ADGRA3: variants seen among roughly 807,000 people sequenced by gnomAD.
ADGRA3 encodes adhesion G protein-coupled receptor A3.
Under a neutral mutation model 119.8 loss-of-function variants are expected in ADGRA3, and 56 were observed. The observed-to-expected ratio is 0.47, with a 90% CI of 0.38 to 0.58. The LOEUF (loss-of-function observed/expected upper bound fraction) is 0.58. Among genes scored for constraint, ADGRA3 ranks in the 20% least tolerant of loss-of-function variants. The pLI, the probability that ADGRA3 is intolerant of heterozygous loss-of-function variation, is 0.00. For synonymous variants in ADGRA3, 607 were observed against 623.8 expected (o/e 0.97, Z 0.40); for missense variants, 1,516 against 1,649.0 (o/e 0.92, Z 1.40).
At chr4:22,447,653 C>G in intron 4 of ADGRA3, 142 bp from the exon 5 acceptor site, 1 of 493,230 alleles carries the variant, frequency 2.0e-6, no homozygotes, top group Non-Finnish European at 3.6e-6. Context: ...AAAGAGGGAG[C>G]GATTAGAAAA....
intron 1 of ADGRA3, among the ~76,000 whole-genome samples, chr4:22,490,831 A>T (rs1181642581): frequency 6.6e-6 from 1 of 152,252 alleles, no homozygotes; most frequent in East Asian, 1.9e-4. Context: ...CTGTGTAACA[A>T]GTTACCACTA....
chr4:22,423,729 C>T (rs539093502), intron 11 of ADGRA3, among the ~76,000 whole-genome samples: 1 of 152,258 alleles, frequency 6.6e-6, no homozygotes, highest in East Asian at 1.9e-4. Flanking sequence ...CCTGGGCAAA[C>T]AATCAGATAT....
At chr4:22,414,622 G>T in intron 12 of ADGRA3, 2 of 697,798 alleles carry the variant, frequency 2.9e-6, no homozygotes, top group Admixed American at 2.1e-5. Flanking sequence ...GAAACAAATC[G>T]AATCATGTTA....
rs758890185 is a variant in ADGRA3 at position 22,442,818 on chromosome 4, C to A, written c.752G>T (p.Arg251Leu). 8 of 1,613,160 alleles carry A rather than the reference C, an allele frequency of 5.0e-6. No individual in the cohort carries two copies. Among genetic ancestry groups the A allele is most frequent in the African/African-American group, 1.3e-5 (1 of 74,960 alleles). ...GCTGTCTCCTTCAAACACAACTTGG[C>A]GATGAGATGGAGTCATGTAGAAAGA... The part of the protein sequence containing the change: ...LPSFYMTPSH[R>L]QVVFEGDSLP... Residue 251 changes from arginine (R) to leucine (L), a missense_variant, in exon 7 of 19, where the codon CGC becomes CTC. This residue lies in a region of ADGRA3 where 428 missense variants were observed against 541.9 expected (regional missense o/e 0.79). Transcript: ENST00000334304.
At chr4:22,486,645 C>T (rs1364390851) in intron 1 of ADGRA3, among the ~76,000 whole-genome samples, 1 of 152,104 alleles carries the variant, frequency 6.6e-6, no homozygotes, top group African/African-American at 2.4e-5. Context: ...GGTTCAGTGC[C>T]CTGGCTGGCA....
intron 14 of ADGRA3, among the ~76,000 whole-genome samples, chr4:22,405,301 G>A (rs544893255): frequency 1.3e-5 from 2 of 152,232 alleles, no homozygotes; most frequent in South Asian, 4.2e-4. Context: ...AGTTTTGGGA[G>A]GCCCAAGGCA....
chr4:22,417,051 A>C (rs1174609398), intron 12 of ADGRA3, among the ~76,000 whole-genome samples: 3 of 152,184 alleles, frequency 2.0e-5, no homozygotes, highest in African/African-American at 7.2e-5. Context: ...ATAAAATACT[A>C]ATTTATCTAT....
chr4:22,454,902 G>T lies in ADGRA3; in HGVS notation c.437C>A (p.Ala146Glu). The change falls in exon 4 of 19, where the codon GCA (alanine) becomes GAA (glutamate). Residue 146 changes from alanine to glutamate, a missense_variant. Coordinates refer to ENST00000334304, the MANE Select transcript of ADGRA3 (RefSeq NM_145290.4). ...LTNNRIGCLNADIFRGLTNLV... is the reference protein window; with the variant it reads ...LTNNRIGCLNEDIFRGLTNLV... ...ATTGGTGAGTCCTCGAAATATGTCTGCATTCAGACATCCTATTCGATTGTT... is the reference window on the plus strand; with the variant it reads ...ATTGGTGAGTCCTCGAAATATGTCTTCATTCAGACATCCTATTCGATTGTT... 1 of 1,613,648 alleles carries T rather than the reference G, an allele frequency of 6.2e-7. No homozygotes were observed. Among genetic ancestry groups the T allele is most frequent in the Non-Finnish European group, 8.5e-7 (1 of 1,179,620 alleles).
chr4:22,393,421 C>T (rs1158537048), intron 16 of ADGRA3: 1 of 152,124 alleles, frequency 6.6e-6, no homozygotes, highest in Non-Finnish European at 1.5e-5. Context: ...AGAATAAGTT[C>T]CAGAGTAAGA....
intron 7 of ADGRA3, among the ~76,000 whole-genome samples, chr4:22,439,919 T>C (rs1716545856): frequency 6.6e-6 from 1 of 152,198 alleles, no homozygotes; most frequent in Admixed American, 6.5e-5. Flanking sequence ...CAAATGTCTA[T>C]CTATATTCAA....
chr4:22,442,615 A>G (rs1406579945), intron 7 of ADGRA3, 35 bp downstream of exon 7: 1 of 1,427,870 alleles, frequency 7.0e-7, no homozygotes. Context: ...ATACACAGGC[A>G]CAATTCTTCA....
Position 22,401,445 on chromosome 4 carries a change from T to C in ADGRA3, c.2467A>G (p.Ser823Gly). 6.2e-7 allele frequency: 1 copy of C among 1,604,214 alleles called. No homozygotes were observed. Among genetic ancestry groups the C allele is most frequent in the Non-Finnish European group, 8.5e-7 (1 of 1,174,822 alleles). Residue 823 changes from serine to glycine, a missense_variant, in exon 16 of 19, where the codon AGC (serine) becomes GGC (glycine). Ser to Gly is a moderately conservative substitution (Grantham distance 56, BLOSUM62 0). Transcript: ENST00000334304. ...VGGITQTRNASICQAVGIILH... is the reference protein window; with the variant it reads ...VGGITQTRNAGICQAVGIILH... ...CTCTGACTTACTGCTTGGCAGATGC[T>C]GGCATTCCTAGTCTGGGTTATTCCT...
At position 22,388,211 on chromosome 4, in the gene ADGRA3, G is replaced by A. The variant is rs1310868759; in HGVS notation, c.3460C>T (p.His1154Tyr). The A allele has an allele frequency of 6.2e-6, 10 of 1,613,922 alleles. No homozygotes were observed. Among genetic ancestry groups the A allele is most frequent in the Non-Finnish European group, 8.5e-6 (10 of 1,179,988 alleles). Residue 1154 changes from histidine (H) to tyrosine (Y), a missense_variant, in exon 19 of 19, where the codon CAC becomes TAC. Coordinates refer to ENST00000334304, the MANE Select transcript of ADGRA3 (RefSeq NM_145290.4). ...EHSMDNDIKMHVAPLEVQFRT... is the reference protein window; with the variant it reads ...EHSMDNDIKMYVAPLEVQFRT... Reference sequence around the variant, plus strand: ...AACTGAACTTCTAAAGGCGCCACGTGCATTTTAATATCATTGTCCATTGAA... The same window carrying A: ...AACTGAACTTCTAAAGGCGCCACGTACATTTTAATATCATTGTCCATTGAA...
At chr4:22,438,506 A>G in intron 7 of ADGRA3, 86 bp from the exon 8 acceptor site, 1 of 964,496 alleles carries the variant, frequency 1.0e-6, no homozygotes, top group Non-Finnish European at 1.5e-6. Flanking sequence ...TAATTTAGCA[A>G]ATATTTTTGA....
intron 2 of ADGRA3, among the ~76,000 whole-genome samples, chr4:22,471,026 G>A (rs1383475973): frequency 6.6e-6 from 1 of 152,118 alleles, no homozygotes; most frequent in Non-Finnish European, 1.5e-5. Flanking sequence ...CCCCAGTACC[G>A]GAGCCAAGAA....
At chr4:22,489,705 C>A (rs1718557096) in intron 1 of ADGRA3, among the ~76,000 whole-genome samples, 1 of 152,106 alleles carries the variant, frequency 6.6e-6, no homozygotes, top group South Asian at 2.1e-4. Flanking sequence ...GTGGGTATTT[C>A]CATCACTCGG....
At chr4:22,434,848 T>A (rs1332160837) in intron 10 of ADGRA3, among the ~76,000 whole-genome samples, 1 of 152,178 alleles carries the variant, frequency 6.6e-6, no homozygotes, top group Non-Finnish European at 1.5e-5. Context: ...GTCCAATCAT[T>A]TTGAATTTCA....
intron 2 of ADGRA3, among the ~76,000 whole-genome samples, chr4:22,471,237 C>A (rs1370787399): frequency 6.6e-6 from 1 of 151,952 alleles, no homozygotes; most frequent in Non-Finnish European, 1.5e-5. Flanking sequence ...CTTATGTTCC[C>A]ACTTATAAGG....
chr4:22,398,100 T>C, intron 16 of ADGRA3: 1 of 985,398 alleles, frequency 1.0e-6, no homozygotes. Context: ...ATCATCTGAC[T>C]TCTTGTAGGC....
Sources: allele counts gnomAD v4.1 joint callset (sites outside exome capture counted in the v4.1 genomes callset), GRCh38; gene constraint gnomAD v4.1.1; regional missense constraint gnomAD v4.1.1; transcripts MANE v1.5; gene names NCBI Gene and HGNC (gene_info 2026-07-23, HGNC 2026-07-21).